RTL4: variants seen among roughly 807,000 people sequenced by gnomAD.
RTL4 encodes the protein retrotransposon Gag like 4, also known as retrotransposon Gag-like protein 4.
RTL4 carries 4 observed loss-of-function variants against 5.3 expected under a neutral mutation model. That is an observed-to-expected ratio of 0.75 (90% CI 0.37 to 1.72). The LOEUF (loss-of-function observed/expected upper bound fraction) is 1.72. Among genes scored for constraint, RTL4 ranks in the 40% most tolerant of loss-of-function variants. The pLI is 0.04. For missense variants in RTL4, 260 were observed against 227.1 expected, an observed-to-expected ratio of 1.14 and a Z score of -0.93; for synonymous variants, 98 against 87.3, an observed-to-expected ratio of 1.12 and a Z score of -0.68.
chrX:112,311,852 C>T, the RTL4 span, among the ~76,000 whole-genome samples: 5 of 110,575 alleles, frequency 4.5e-5, no homozygotes, highest in African/African-American at 1.6e-4. Flanking sequence ...TCCTCTATTC[C>T]CCCTGTTCAG....
chrX:112,194,070 C>T, the RTL4 span, among the ~76,000 whole-genome samples: 1 of 112,015 alleles, frequency 8.9e-6, no homozygotes, highest in East Asian at 2.8e-4. Flanking sequence ...TGAGGGTCCA[C>T]TCAAGGAAGG....
chrX:112,114,469 G>A, the RTL4 span, among the ~76,000 whole-genome samples: 1 of 112,015 alleles, frequency 8.9e-6, no homozygotes, highest in Non-Finnish European at 1.9e-5. Context: ...CTCTCCATGT[G>A]AGGTCGAAGC....
At chrX:112,112,448 C>G in the RTL4 span, among the ~76,000 whole-genome samples, 4 of 111,708 alleles carry the variant, frequency 3.6e-5, no homozygotes. Flanking sequence ...TTCCAAGGAA[C>G]CCCCGCAACT....
chrX:112,382,649 A>T, the RTL4 span, among the ~76,000 whole-genome samples: 1 of 112,579 alleles, frequency 8.9e-6, no homozygotes, highest in Non-Finnish European at 1.9e-5. Flanking sequence ...CTCAGTAAAT[A>T]ACCAGTATCA....
the RTL4 span, among the ~76,000 whole-genome samples, chrX:112,420,565 T>A: frequency 9.0e-6 from 1 of 111,569 alleles, no homozygotes; most frequent in East Asian, 2.8e-4. Flanking sequence ...GCTCTGCCAC[T>A]TAGGTCCTGG....
At chrX:112,446,137 T>C in the RTL4 span, among the ~76,000 whole-genome samples, 1 of 112,365 alleles carries the variant, frequency 8.9e-6, no homozygotes, top group Admixed American at 9.4e-5. Flanking sequence ...GGGCCAGTTA[T>C]GCATAGGGCA....
At chrX:112,239,960 A>G in the RTL4 span, among the ~76,000 whole-genome samples, 1 of 112,236 alleles carries the variant, frequency 8.9e-6, no homozygotes, top group African/African-American at 3.2e-5. Flanking sequence ...TATAACTTCA[A>G]TATGAAAAGA....
At chrX:112,179,959 G>A in the RTL4 span, among the ~76,000 whole-genome samples, 2 of 111,226 alleles carry the variant, frequency 1.8e-5, no homozygotes, top group African/African-American at 6.5e-5. Flanking sequence ...TGGCAAACTT[G>A]AATCCACAGG....
chrX:112,309,793 C>T, the RTL4 span, among the ~76,000 whole-genome samples: 10 of 106,538 alleles, frequency 9.4e-5, no homozygotes, highest in Non-Finnish European at 1.9e-4. Context: ...CATATATATA[C>T]ACACACACAC....
the RTL4 span, among the ~76,000 whole-genome samples, chrX:112,152,531 A>G: frequency 7.4e-3 from 824 of 111,398 alleles, 3 homozygotes; most frequent in African/African-American, 0.025. Flanking sequence ...TATTGGATGA[A>G]TGACTTACCG....
the RTL4 span, among the ~76,000 whole-genome samples, chrX:112,204,560 C>G: frequency 9.0e-6 from 1 of 111,517 alleles, no homozygotes; most frequent in Non-Finnish European, 1.9e-5. Flanking sequence ...GTGAAATAAG[C>G]TAGGTGCAGA....
chrX:112,209,137 T>C, the RTL4 span, among the ~76,000 whole-genome samples: 1 of 112,359 alleles, frequency 8.9e-6, no homozygotes, highest in South Asian at 3.7e-4. Context: ...AAAATCCTCC[T>C]CTGCTGAGGT....
the RTL4 span, among the ~76,000 whole-genome samples, chrX:112,151,500 A>G: frequency 2.7e-5 from 3 of 111,895 alleles, no homozygotes; most frequent in Admixed American, 1.9e-4. Flanking sequence ...TATCATGTCA[A>G]TGTTGTGTAG....
the RTL4 span, among the ~76,000 whole-genome samples, chrX:112,291,964 T>C: frequency 9.9e-5 from 11 of 110,701 alleles, no homozygotes; most frequent in African/African-American, 3.6e-4. Flanking sequence ...AAGAGCAGGA[T>C]TGCCTCCTCC....
chrX:112,328,492 AC>A, the RTL4 span, among the ~76,000 whole-genome samples: 3 of 111,705 alleles, frequency 2.7e-5, no homozygotes, highest in Non-Finnish European at 5.6e-5. Context: ...ATACAGGAGC[AC>A]CCAGATTCAT....
the RTL4 span, among the ~76,000 whole-genome samples, chrX:112,226,949 AAT>A: frequency 4.9e-5 from 3 of 60,885 alleles, no homozygotes; most frequent in African/African-American, 2.9e-4. Context: ...ATAAAATAAA[AAT>A]AAAATAAAAT....
At chrX:112,301,105 G>A in the RTL4 span, among the ~76,000 whole-genome samples, 1 of 111,577 alleles carries the variant, frequency 9.0e-6, no homozygotes, top group African/African-American at 3.3e-5. Context: ...GAGGAGAGTA[G>A]GATTCCTACA....
At chrX:112,140,022 C>A in the RTL4 span, among the ~76,000 whole-genome samples, 1 of 112,084 alleles carries the variant, frequency 8.9e-6, no homozygotes, top group African/African-American at 3.2e-5. Flanking sequence ...ACCTCTTTTT[C>A]TTCCCAGTCT....
At chrX:112,189,898 A>T in the RTL4 span, among the ~76,000 whole-genome samples, 3 of 112,184 alleles carry the variant, frequency 2.7e-5, no homozygotes, top group Non-Finnish European at 5.6e-5. Flanking sequence ...AATAACAACA[A>T]CAACAACAAC....
Sources: allele counts gnomAD v4.1 joint callset (sites outside exome capture counted in the v4.1 genomes callset), GRCh38; gene constraint gnomAD v4.1.1; transcripts MANE v1.5; gene names NCBI Gene and HGNC (gene_info 2026-07-23, HGNC 2026-07-21).